XRCC4: variants seen among roughly 807,000 people sequenced by gnomAD.
XRCC4 encodes the protein DNA repair protein XRCC4.
XRCC4 carries 28 observed loss-of-function variants against 39.1 expected under a neutral mutation model. The observed-to-expected ratio is 0.72, with a 90% CI of 0.53 to 0.98. The LOEUF is 0.98. XRCC4 is among the 50% of genes least tolerant of loss of function. The pLI, the probability that XRCC4 is intolerant of heterozygous loss-of-function variation, is 0.00. For synonymous variants in XRCC4, 123 were observed against 126.4 expected, an observed-to-expected ratio of 0.97 and a Z score of 0.18; for missense variants, 350 against 376.4, an observed-to-expected ratio of 0.93 and a Z score of 0.58.
intron 3 of XRCC4, among the ~76,000 whole-genome samples, chr5:83,157,161 G>A (rs551857370): frequency 2.0e-5 from 3 of 152,122 alleles, no homozygotes; most frequent in Non-Finnish European, 4.4e-5. Context: ...AAGTCTTCTA[G>A]CAGCCTATCT....
At chr5:83,246,043 T>C (rs2112860114) in intron 6 of XRCC4, among the ~76,000 whole-genome samples, 1 of 152,204 alleles carries the variant, frequency 6.6e-6, no homozygotes, top group East Asian at 1.9e-4. Context: ...TCTATCATTG[T>C]CCTTTTTCCT....
chr5:83,222,520 A>G (rs1561414482), intron 6 of XRCC4, among the ~76,000 whole-genome samples: 1 of 151,842 alleles, frequency 6.6e-6, no homozygotes, highest in Non-Finnish European at 1.5e-5. Context: ...TTTTGTTCAT[A>G]TGTGTTTTTA....
intron 7 of XRCC4, among the ~76,000 whole-genome samples, chr5:83,259,821 C>T (rs1561438534): frequency 6.6e-6 from 1 of 151,904 alleles, no homozygotes; most frequent in Non-Finnish European, 1.5e-5. Context: ...TTGAGACCCT[C>T]AAAAATTTTT....
intron 1 of XRCC4, among the ~76,000 whole-genome samples, chr5:83,089,591 C>A (rs1745329633): frequency 6.6e-6 from 1 of 152,168 alleles, no homozygotes. Context: ...GCCTCCACTT[C>A]AGATGCCAGT....
intron 3 of XRCC4, among the ~76,000 whole-genome samples, chr5:83,168,774 T>A (rs560255854): frequency 7.9e-5 from 12 of 152,098 alleles, no homozygotes; most frequent in Non-Finnish European, 1.6e-4. Context: ...AAAAGAAAGA[T>A]TATGAAACTT....
chr5:83,143,765 A>AT (rs1349177826), intron 3 of XRCC4, among the ~76,000 whole-genome samples: 28 of 147,638 alleles, frequency 1.9e-4, no homozygotes, highest in East Asian at 9.9e-4. Flanking sequence ...TCTCGTCTCC[A>AT]TTTTTTTTTC....
At chr5:83,090,458 A>T (rs1313720644) in intron 1 of XRCC4, among the ~76,000 whole-genome samples, 4 of 152,150 alleles carry the variant, frequency 2.6e-5, no homozygotes, top group African/African-American at 9.7e-5. Flanking sequence ...GCCATGTGGA[A>T]CTGTAAGTCC....
At chr5:83,209,906 C>T (rs1207777475) in intron 6 of XRCC4, among the ~76,000 whole-genome samples, 1 of 152,054 alleles carries the variant, frequency 6.6e-6, no homozygotes, top group African/African-American at 2.4e-5. Context: ...ATTACTAGCC[C>T]AAGATTTAGC....
chr5:83,322,484 C>G (rs1580510833), intron 7 of XRCC4, among the ~76,000 whole-genome samples: 1 of 152,048 alleles, frequency 6.6e-6, no homozygotes, highest in African/African-American at 2.4e-5. Flanking sequence ...GCTGAATAAC[C>G]ACTCCCTCCA....
intron 3 of XRCC4, among the ~76,000 whole-genome samples, chr5:83,186,941 A>ATTTTTTTTTTTTTTTTTTTTTTTT (rs770811313): frequency 1.1e-5 from 1 of 87,492 alleles, no homozygotes; most frequent in African/African-American, 6.0e-5. Context: ...TGCTTCTTCC[A>ATTTTTTTTTTTTTTTTTTTTTTTT]TTTTTTTTTT....
chr5:83,233,899 T>C (rs1752589788), intron 6 of XRCC4, among the ~76,000 whole-genome samples: 1 of 110,944 alleles, frequency 9.0e-6, no homozygotes, highest in Non-Finnish European at 1.7e-5. Context: ...CAAGACTTCA[T>C]CTCAAAAAAA....
chr5:83,080,332 G>C (rs553293783), intron 1 of XRCC4, among the ~76,000 whole-genome samples: 189 of 152,206 alleles, frequency 1.2e-3, no homozygotes, highest in African/African-American at 4.4e-3. Flanking sequence ...TTTGAGACCA[G>C]CCTGGCCAAC....
At chr5:83,230,246 A>G (rs1044410876) in intron 6 of XRCC4, among the ~76,000 whole-genome samples, 3 of 152,050 alleles carry the variant, frequency 2.0e-5, no homozygotes, top group African/African-American at 7.2e-5. Context: ...TCTTATTAAG[A>G]AACAAATTTC....
intron 3 of XRCC4, among the ~76,000 whole-genome samples, chr5:83,115,408 C>T (rs1447384908): frequency 6.6e-6 from 1 of 151,938 alleles, no homozygotes; most frequent in Non-Finnish European, 1.5e-5. Flanking sequence ...GCCTGGGCAA[C>T]AAGTGTGAAA....
At chr5:83,263,759 G>A (rs1753850346) in intron 7 of XRCC4, among the ~76,000 whole-genome samples, 1 of 151,616 alleles carries the variant, frequency 6.6e-6, no homozygotes, top group Admixed American at 6.6e-5. Flanking sequence ...TTTGTCAGAT[G>A]AGTAGGTTGC....
At chr5:83,162,073 A>C (rs185586742) in intron 3 of XRCC4, among the ~76,000 whole-genome samples, 201 of 152,286 alleles carry the variant, frequency 1.3e-3, no homozygotes, top group African/African-American at 4.5e-3. Context: ...AGGCTGAGGC[A>C]GGAGTGTGGC....
intron 7 of XRCC4, among the ~76,000 whole-genome samples, chr5:83,316,307 T>C (rs138882744): frequency 2.7e-4 from 41 of 152,178 alleles, no homozygotes; most frequent in African/African-American, 9.2e-4. Context: ...ACGAGCAAAA[T>C]CACCAGCTAA....
At chr5:83,315,472 A>G (rs1243680682) in intron 7 of XRCC4, among the ~76,000 whole-genome samples, 1 of 152,290 alleles carries the variant, frequency 6.6e-6, no homozygotes. Flanking sequence ...TTCTTTTGGA[A>G]GAAGATGCCA....
chr5:83,258,166 A>G (rs928786345), intron 6 of XRCC4, among the ~76,000 whole-genome samples: 1 of 152,180 alleles, frequency 6.6e-6, no homozygotes, highest in Non-Finnish European at 1.5e-5. Context: ...CTGTACATGT[A>G]TCTCAGAACT....
Sources: allele counts gnomAD v4.1 joint callset (sites outside exome capture counted in the v4.1 genomes callset), GRCh38; gene constraint gnomAD v4.1.1; transcripts MANE v1.5; gene names NCBI Gene and HGNC (gene_info 2026-07-23, HGNC 2026-07-21).